The following ADCYAP1R1 variants were observed in gnomAD, a reference collection of about 807,000 sequenced individuals.
The protein encoded by ADCYAP1R1 is pituitary adenylate cyclase-activating polypeptide type I receptor.
ADCYAP1R1 carries 44 observed loss-of-function variants against 67.6 expected under a neutral mutation model. The observed-to-expected ratio is 0.65, with a 90% CI of 0.51 to 0.84. ADCYAP1R1 has a LOEUF of 0.84. Ranked by LOEUF, ADCYAP1R1 falls within the 40% of genes least tolerant of loss-of-function variation. The pLI, the probability that ADCYAP1R1 is intolerant of heterozygous loss-of-function variation, is 0.00. For missense variants in ADCYAP1R1, 477 were observed against 587.9 expected (o/e 0.81, Z 1.95); for synonymous variants, 222 against 219.6 (o/e 1.01, Z -0.10).
chr7:31,085,640 A>G (rs1345713243), intron 9 of ADCYAP1R1, among the ~76,000 whole-genome samples, 198 bp downstream of exon 9: 5 of 152,098 alleles, frequency 3.3e-5, no homozygotes, highest in African/African-American at 1.2e-4. Flanking sequence ...CCAATGTACG[A>G]CATCACTTCC....
At chr7:31,071,538 G>T (rs1427795693) in intron 3 of ADCYAP1R1, among the ~76,000 whole-genome samples, 3 of 152,132 alleles carry the variant, frequency 2.0e-5, no homozygotes, top group Admixed American at 6.6e-5. Context: ...AACTTGGCCT[G>T]GGCTGCACTC....
chr7:31,075,218 A>G (rs1795159608), intron 3 of ADCYAP1R1, among the ~76,000 whole-genome samples: 1 of 152,186 alleles, frequency 6.6e-6, no homozygotes, highest in Non-Finnish European at 1.5e-5. Context: ...AGGGACACCT[A>G]ACTGGGATAA....
chr7:31,077,277 G>A (rs1430719090), intron 3 of ADCYAP1R1, among the ~76,000 whole-genome samples: 1 of 151,938 alleles, frequency 6.6e-6, no homozygotes. Flanking sequence ...TGTGGGTGTG[G>A]TGCATGTGTG....
chr7:31,091,306 T>G (rs1415410881), intron 12 of ADCYAP1R1, among the ~76,000 whole-genome samples: 1 of 152,270 alleles, frequency 6.6e-6, no homozygotes, highest in Admixed American at 6.5e-5. Context: ...TTATAGATGC[T>G]GGATATTAGA....
chr7:31,073,676 C>G (rs1227929215), intron 3 of ADCYAP1R1, among the ~76,000 whole-genome samples: 1 of 152,134 alleles, frequency 6.6e-6, no homozygotes, highest in Non-Finnish European at 1.5e-5. Flanking sequence ...TGGGTCCTCC[C>G]ATCTGTGCTA....
intron 1 of ADCYAP1R1, chr7:31,057,121 A>AT (rs139014332): frequency 0.09 from 13,780 of 152,442 alleles, 722 homozygotes; most frequent in Non-Finnish European, 0.12. Context: ...CTCAGTGAAC[A>AT]TTTCCACAAG....
chr7:31,107,774 C>G lies in ADCYAP1R1; in HGVS notation c.*1090C>G, dbSNP rs895414042. ...TGAGGAGCCCCAGACACCAGCTCCTCTGGCCTGGACTCAACTATTGAAATC... is the reference window on the plus strand; with the variant it reads ...TGAGGAGCCCCAGACACCAGCTCCTGTGGCCTGGACTCAACTATTGAAATC... On this transcript the variant is annotated 3_prime_UTR_variant, in exon 16 of 16. Coordinates refer to ENST00000304166, the MANE Select transcript of ADCYAP1R1 (RefSeq NM_001118.5). 2.6e-5 allele frequency: 4 copies of G among 152,348 alleles called. No individual in the cohort carries two copies. Among genetic ancestry groups the G allele is most frequent in the African/African-American group, 9.6e-5 (4 of 41,466 alleles). The allele number at this position is 152,348 out of a possible 1,614,324, so 9.4% of individuals were successfully genotyped here. A position where few individuals can be genotyped will look rare whatever the true frequency, so the allele number is the denominator to read the frequency against.
At chr7:31,092,167 C>T (rs1795988169) in intron 12 of ADCYAP1R1, among the ~76,000 whole-genome samples, 1 of 148,720 alleles carries the variant, frequency 6.7e-6, no homozygotes, top group South Asian at 2.3e-4. Context: ...AAGCTTTTGT[C>T]CCTAGTCTTT....
chr7:31,063,396 C>T (rs1241520955), intron 2 of ADCYAP1R1, 81 bp downstream of exon 2: 18 of 1,514,858 alleles, frequency 1.2e-5, no homozygotes, highest in Non-Finnish European at 1.6e-5. Flanking sequence ...TTTTCTGTAC[C>T]CTCAGCTCAG....
chr7:31,082,175 C>T (rs1795544509), intron 6 of ADCYAP1R1, among the ~76,000 whole-genome samples: 1 of 152,198 alleles, frequency 6.6e-6, no homozygotes, highest in Non-Finnish European at 1.5e-5. Flanking sequence ...GCTTGTCTCG[C>T]CAGTCTCCCA....
chr7:31,094,169 A>C (rs1266042125), intron 13 of ADCYAP1R1, among the ~76,000 whole-genome samples: 1 of 152,098 alleles, frequency 6.6e-6, no homozygotes, highest in Admixed American at 6.5e-5. Context: ...TGTTTTTGCA[A>C]GTTTTTACCA....
Position 31,105,198 on chromosome 7 carries a change from A to G in ADCYAP1R1, c.1218+289A>G, listed in dbSNP as rs115878953. On this transcript the variant is annotated intron_variant, in intron 15 of 15. Transcript: ENST00000304166. ...AAAGCGTCGGCTCTGCTGAGCGCAGATCTCCCTGGGAGGGTCCTCTCCATA... is the reference window on the plus strand; with the variant it reads ...AAAGCGTCGGCTCTGCTGAGCGCAGGTCTCCCTGGGAGGGTCCTCTCCATA... Among the ~76,000 whole-genome samples, 161 of 152,346 alleles carry G rather than the reference A, an allele frequency of 1.1e-3. 2 individuals carry two copies. Among genetic ancestry groups the G allele is most frequent in the African/African-American group, 3.8e-3 (160 of 41,596 alleles).
rs1796730020 is a variant in ADCYAP1R1, at chr7:31,108,532, G to C, written c.*1848G>C. On this transcript the variant is annotated 3_prime_UTR_variant, in exon 16 of 16. Transcript: ENST00000304166. ...CTGCTTGGAAGGAGCCATGGCCTAG[G>C]GTTCAGGGAACTAGACTCTATCCCA... The C allele has an allele frequency of 6.6e-6, 1 of 152,256 alleles. No individual in the cohort carries two copies. The highest frequency in any genetic ancestry group is 6.5e-5 in the Admixed American group (1 of 15,276). The allele number at this position is 152,256 out of a possible 1,614,324, so 9.4% of individuals were successfully genotyped here.
chr7:31,084,799 C>A lies in ADCYAP1R1; in HGVS notation c.501C>A (p.Thr167=). ...YTVGYSTSLV[T]LTTAMVILCR... ...TTGGCTACAGCACATCCCTCGTCAC[C>A]CTCACCACTGCCATGGTCATCCTTT... Residue 167 remains threonine (T), a synonymous_variant, in exon 8 of 16, where the codon ACC becomes ACA. Coordinates refer to ENST00000304166, the MANE Select transcript of ADCYAP1R1 (RefSeq NM_001118.5). The A allele has an allele frequency of 6.2e-7, 1 of 1,614,130 alleles. No homozygotes were observed. Among genetic ancestry groups the A allele is most frequent in the Non-Finnish European group, 8.5e-7 (1 of 1,180,008 alleles).
At chr7:31,072,202 A>G (rs946048238) in intron 3 of ADCYAP1R1, among the ~76,000 whole-genome samples, 3 of 152,210 alleles carry the variant, frequency 2.0e-5, no homozygotes, top group African/African-American at 7.2e-5. Context: ...CAGTGTGATC[A>G]GCAGAGGTAG....
At chr7:31,090,189 C>G (rs1398128032) in intron 12 of ADCYAP1R1, among the ~76,000 whole-genome samples, 4 of 152,156 alleles carry the variant, frequency 2.6e-5, no homozygotes, top group Admixed American at 6.5e-5. Context: ...GAGGTTATTG[C>G]TCTACTTAGA....
rs1796782165 is a variant in ADCYAP1R1 at position 31,109,696 on chromosome 7, C to G, written c.*3012C>G. 1 of 152,238 alleles carries G rather than the reference C, an allele frequency of 6.6e-6. No individual in the cohort carries two copies. The highest frequency in any genetic ancestry group is 2.4e-5 in the African/African-American group (1 of 41,394). The allele number at this position is 152,238 out of a possible 1,614,324, so 9.4% of individuals were successfully genotyped here. On this transcript the variant is annotated 3_prime_UTR_variant, in exon 16 of 16. Transcript: ENST00000304166. ...TCTTTCCCTGTCATGAGTGTCCAGC[C>G]AGGGAGCAGGGAGGCAGTGTCAGGG...
chr7:31,084,202 C>T lies in ADCYAP1R1; in HGVS notation c.390C>T (p.Tyr130=). The change falls in exon 7 of 16, where the codon TAC becomes TAT. Residue 130 remains tyrosine, a synonymous_variant. Transcript: ENST00000304166. The part of the protein sequence containing the change: ...EDGWSEPFPH[Y]FDACGFDEYE... ...GCTGGTCGGAACCCTTCCCTCATTA[C>T]TTTGATGCCTGTGGGTTTGATGAAT... 1 of 1,614,166 alleles carries T rather than the reference C, an allele frequency of 6.2e-7. No homozygotes were observed. Among genetic ancestry groups the T allele is most frequent in the Non-Finnish European group, 8.5e-7 (1 of 1,180,038 alleles).
At chr7:31,069,612 G>A (rs1794891081) in intron 3 of ADCYAP1R1, among the ~76,000 whole-genome samples, 1 of 152,138 alleles carries the variant, frequency 6.6e-6, no homozygotes, top group Admixed American at 6.5e-5. Flanking sequence ...GTGTGGCTGG[G>A]GGGCTCCAGG....
Sources: gnomAD v4.1 joint callset for allele counts (sites outside exome capture counted in the v4.1 genomes callset) on GRCh38, gnomAD v4.1.1 for gene constraint, MANE v1.5 for transcripts, NCBI Gene and HGNC (gene_info 2026-07-23, HGNC 2026-07-21) for gene names.